Variants in ALPL observed in about 807,000 individuals in gnomAD.
ALPL encodes the protein alkaline phosphatase, tissue-nonspecific isozyme.
In ALPL, 42 loss-of-function variants were observed where a neutral mutation model predicts 51.3. That is an observed-to-expected ratio of 0.82 (90% CI 0.64 to 1.06). The LOEUF (loss-of-function observed/expected upper bound fraction) is 1.06. Among genes scored for constraint, ALPL ranks in the 50% least tolerant of loss-of-function variants. The pLI, the probability that ALPL is intolerant of heterozygous loss-of-function variation, is 0.00. For missense variants in ALPL, 589 were observed against 709.4 expected (o/e 0.83, Z 1.93); for synonymous variants, 279 against 296.4 (o/e 0.94, Z 0.60).
In ALPL at chr1:21,564,063, C is replaced by T. The variant is rs2148161308; in HGVS notation, c.495C>T (p.Thr165=). 5.0e-6 allele frequency: 8 copies of T among 1,614,004 alleles called. No individual in the cohort carries two copies. The highest frequency in any genetic ancestry group is 1.1e-5 in the South Asian group (1 of 91,086). The change falls in exon 6 of 12, where the codon ACC becomes ACT. Residue 165 remains threonine, a synonymous_variant. Transcript: ENST00000374840. This position sits in a 1 kb window ranked among gnomAD's most constrained non-coding sequence, Gnocchi z 5.8. ...KDAGKSVGIV[T]TTRVNHATPS... is the part of the protein sequence containing the mutation. ...CAGGGAAATCTGTGGGCATTGTGAC[C>T]ACCACGAGAGTGAACCATGCCACCC...
In ALPL at chr1:21,516,501, C is replaced by T. The variant is rs372058658; in HGVS notation, c.-105+6984C>T. On this transcript the variant is annotated intron_variant, in intron 1 of 11. Transcript: ENST00000374840. ...TAATTACTATTTGGTCCTACAGCAG[C>T]GCTGGGTGGCAGGTGCTATTATCCC... is the stretch of plus-strand genomic sequence containing the variant. Among the ~76,000 whole-genome samples the T allele has an allele frequency of 3.9e-4, 59 of 152,280 alleles. 2 individuals are homozygous for T. In the South Asian group the frequency reaches 0.011, roughly 29 times the overall value.
In ALPL at chr1:21,576,457, C is replaced by A. The variant is rs1780329; in HGVS notation, c.1190-65C>A. Reference sequence around the variant, plus strand: ...TTACCAAGCCACCAAGGAGCCTAATCTGGGGGCTGGGGACTGTACTCCTGG... The same window carrying A: ...TTACCAAGCCACCAAGGAGCCTAATATGGGGGCTGGGGACTGTACTCCTGG... On this transcript the variant is annotated intron_variant, in intron 10 of 11. Coordinates refer to ENST00000374840, the MANE Select transcript of ALPL (RefSeq NM_000478.6). The A allele has an allele frequency of 0.2, 316,751 of 1,585,492 alleles. 36,068 individuals carry two copies. The highest frequency in any genetic ancestry group is 0.52 in the East Asian group (22,901 of 44,222).
chr1:21,575,469 G>C lies in ALPL; in HGVS notation c.998-264G>C, dbSNP rs540786871. On this transcript the variant is annotated intron_variant, in intron 9 of 11. Transcript: ENST00000374840. ...GGCGGTGGGAGGAGTACAGCTTCCC[G>C]GCCTGGTGAATTTGATTACACATCT... Among the ~76,000 whole-genome samples the C allele has an allele frequency of 2.6e-5, 4 of 152,198 alleles. No individual in the cohort carries two copies. The East Asian group carries it at 7.7e-4, about 29-fold the overall frequency.
chr1:21,551,853 G>A (rs887701776), intron 1 of ALPL, among the ~76,000 whole-genome samples: 1 of 150,184 alleles, frequency 6.7e-6, no homozygotes, highest in Non-Finnish European at 1.5e-5. Flanking sequence ...AGCCTCCTGA[G>A]TAGCTGGGAC....
chr1:21,510,056 C>T (rs1297214430), intron 1 of ALPL, among the ~76,000 whole-genome samples: 1 of 152,040 alleles, frequency 6.6e-6, no homozygotes, highest in African/African-American at 2.4e-5. Context: ...GGGGGCGTGG[C>T]GGGAGGAGAC....
chr1:21,551,431 G>C (rs1644319032), intron 1 of ALPL: 1 of 152,086 alleles, frequency 6.6e-6, no homozygotes, highest in Non-Finnish European at 1.5e-5. Flanking sequence ...TGAAAGAGGT[G>C]ACTTCATTTT....
Position 21,573,667 on chromosome 1 carries a change from C to T in ALPL, c.865C>T (p.Leu289Phe). ...DPHNVDYLLG[L>F]FEPGDMQYEL... ...CATCCTCCTGGCGTCCTCCTCAGGT[C>T]TCTTCGAGCCAGGGGACATGCAGTA... The change falls in exon 9 of 12, where the codon CTC becomes TTC. Residue 289 changes from leucine to phenylalanine, a missense_variant and splice_region_variant. By Grantham distance (22) the Leu-to-Phe change is conservative. Coordinates refer to ENST00000374840, the MANE Select transcript of ALPL (RefSeq NM_000478.6). 1 of 1,613,812 alleles carries T rather than the reference C, an allele frequency of 6.2e-7. No individual in the cohort carries two copies. Among genetic ancestry groups the T allele is most frequent in the Non-Finnish European group, 8.5e-7 (1 of 1,179,952 alleles).
chr1:21,542,341 T>C (rs559829144), intron 1 of ALPL, among the ~76,000 whole-genome samples: 3 of 152,278 alleles, frequency 2.0e-5, no homozygotes, highest in Non-Finnish European at 2.9e-5. Flanking sequence ...GCTGACAGGC[T>C]AGGGGATGCT....
chr1:21,554,402 A>G (rs1644371332), intron 2 of ALPL, among the ~76,000 whole-genome samples: 2 of 148,212 alleles, frequency 1.3e-5, no homozygotes, highest in African/African-American at 2.5e-5. Context: ...AAGGAAATAT[A>G]TATTTTCCAC....
intron 1 of ALPL, among the ~76,000 whole-genome samples, chr1:21,543,775 G>C (rs541745840): frequency 6.6e-6 from 1 of 152,142 alleles, no homozygotes; most frequent in Non-Finnish European, 1.5e-5. Flanking sequence ...CTGGGGCTGC[G>C]TGCTCTAGAC....
intron 1 of ALPL, among the ~76,000 whole-genome samples, chr1:21,520,954 G>A (rs916295889): frequency 5.3e-5 from 8 of 152,132 alleles, no homozygotes; most frequent in Admixed American, 6.5e-5. Context: ...CTCTCTCATC[G>A]TTGCCTTTGT....
At chr1:21,522,046 CAGA>C (rs1643887604) in intron 1 of ALPL, among the ~76,000 whole-genome samples, 1 of 151,478 alleles carries the variant, frequency 6.6e-6, no homozygotes, top group African/African-American at 2.4e-5. Flanking sequence ...GAGAGGTACT[CAGA>C]GGAGTAACCA....
intron 1 of ALPL, among the ~76,000 whole-genome samples, chr1:21,537,100 G>A (rs959322241): frequency 7.9e-5 from 12 of 152,052 alleles, no homozygotes; most frequent in Admixed American, 7.2e-4. Flanking sequence ...GTTTCACTGT[G>A]TTAGCCAGGA....
chr1:21,528,342 GTTTTTT>G (rs11368122), intron 1 of ALPL, among the ~76,000 whole-genome samples: 1 of 111,944 alleles, frequency 8.9e-6, no homozygotes. Context: ...GACCTATTCA[GTTTTTT>G]TTTTTTTTTT....
intron 1 of ALPL, among the ~76,000 whole-genome samples, chr1:21,517,922 T>C (rs1643831089): frequency 6.6e-6 from 1 of 151,874 alleles, no homozygotes; most frequent in South Asian, 2.1e-4. Context: ...TAGCAACTAA[T>C]ATAGAGTTGG....
chr1:21,533,718 C>T (rs748387554), intron 1 of ALPL, among the ~76,000 whole-genome samples: 2 of 151,868 alleles, frequency 1.3e-5, no homozygotes, highest in South Asian at 2.1e-4. Context: ...GTCAGGAGTT[C>T]GAGATCAGCC....
intron 1 of ALPL, among the ~76,000 whole-genome samples, chr1:21,518,706 G>A (rs1643846785): frequency 6.6e-6 from 1 of 152,046 alleles, no homozygotes; most frequent in African/African-American, 2.4e-5. Flanking sequence ...CCATCCCCAA[G>A]CTCTCAGCTA....
intron 6 of ALPL, among the ~76,000 whole-genome samples, chr1:21,565,141 C>T (rs540660667): frequency 1.3e-5 from 2 of 152,188 alleles, no homozygotes; most frequent in East Asian, 1.9e-4. Context: ...ACCAGACAAA[C>T]TCACCTGCCT....
At chr1:21,528,897 C>G (rs75883780) in intron 1 of ALPL, among the ~76,000 whole-genome samples, 19,517 of 151,246 alleles carry the variant, frequency 0.13, 1,804 homozygotes, top group East Asian at 0.48. Flanking sequence ...TGGCGAAACC[C>G]CGTCTCTACT....
Sources: gnomAD v4.1 joint callset for allele counts (sites outside exome capture counted in the v4.1 genomes callset) on GRCh38, gnomAD v4.1.1 for gene constraint, Gnocchi (gnomAD v3.1) non-coding constraint, MANE v1.5 for transcripts, NCBI Gene and HGNC (gene_info 2026-07-23, HGNC 2026-07-21) for gene names.